The following SGSM1 variants were observed in gnomAD, a reference collection of about 807,000 sequenced individuals.
The protein encoded by SGSM1 is small G protein signaling modulator 1.
Under a neutral mutation model 133.8 loss-of-function variants are expected in SGSM1, and 73 were observed. The ratio of observed to expected loss-of-function variants is 0.55; its 90% CI spans 0.45 to 0.66. The LOEUF is 0.66. Ranked by LOEUF, SGSM1 falls within the 30% of genes least tolerant of loss-of-function variation. The probability of loss-of-function intolerance (pLI) is 0.00; values close to 1 mark genes in which losing one functional copy is unlikely to be tolerated. For missense variants in SGSM1, 1,213 were observed against 1,448.1 expected, an observed-to-expected ratio of 0.84 and a Z score of 2.64; for synonymous variants, 563 against 573.0, an observed-to-expected ratio of 0.98 and a Z score of 0.25.
chr22:24,821,445 G>A (rs1452808843), intron 2 of SGSM1, among the ~76,000 whole-genome samples: 2 of 152,232 alleles, frequency 1.3e-5, no homozygotes, highest in African/African-American at 4.8e-5. Flanking sequence ...TGCAGCATTG[G>A]AGGAAGGCAA....
At chr22:24,901,435 T>A (rs1933157476) in intron 19 of SGSM1, among the ~76,000 whole-genome samples, 1 of 152,196 alleles carries the variant, frequency 6.6e-6, no homozygotes, top group African/African-American at 2.4e-5. Context: ...CTCACCTTTC[T>A]GAGTTAGTTT....
intron 21 of SGSM1, among the ~76,000 whole-genome samples, chr22:24,908,013 C>A (rs556151276): frequency 7.0e-4 from 105 of 149,602 alleles, no homozygotes; most frequent in Non-Finnish European, 1.3e-3. Context: ...CTGTAAGGAT[C>A]AACATGTAGA....
chr22:24,856,125 C>T, intron 8 of SGSM1: 2 of 355,728 alleles, frequency 5.6e-6, no homozygotes, highest in Middle Eastern at 7.7e-4. Context: ...TTCTATCCAT[C>T]TGTTCGCTCT....
At chr22:24,911,025 G>A (rs545820482) in intron 21 of SGSM1, among the ~76,000 whole-genome samples, 8 of 151,976 alleles carry the variant, frequency 5.3e-5, no homozygotes, top group Non-Finnish European at 7.4e-5. Flanking sequence ...AGGTGGAGGT[G>A]GGCAGATTGT....
chr22:24,894,119 C>G lies in SGSM1; in HGVS notation c.1953+506C>G, dbSNP rs1401657266. On this transcript the variant is annotated intron_variant, in intron 17 of 24. Transcript: ENST00000400358. ...CAGTAAAAAGTAGGATCTCACCACC[C>G]TTGACTGAGGGTGGTGGCTCACGCC... 2.6e-5 allele frequency among the ~76,000 whole-genome samples: 4 copies of G among 152,304 alleles called. No individual in the cohort carries two copies. In the South Asian group the frequency reaches 8.3e-4, roughly 32 times the overall value.
chr22:24,924,282 C>G lies in SGSM1; in HGVS notation c.*8C>G. The G allele has an allele frequency of 6.2e-7, 1 of 1,612,944 alleles. No homozygotes were observed. The highest frequency in any genetic ancestry group is 1.3e-5 in the African/African-American group (1 of 75,026). On this transcript the variant is annotated 3_prime_UTR_variant, in exon 25 of 25. Transcript: ENST00000400358. ...CTGATTGAGAACAAGTGAGGGGCAC[C>G]TCACCCCGGCAGCCTCAGCCAAGCT...
At chr22:24,923,117 G>A (rs1322415131) in intron 24 of SGSM1, among the ~76,000 whole-genome samples, 1 of 151,818 alleles carries the variant, frequency 6.6e-6, no homozygotes, top group Non-Finnish European at 1.5e-5. Context: ...TCCACCCTGG[G>A]CAACAGAGTG....
rs142046345 is a variant in SGSM1 at position 24,885,601 on chromosome 22, AT to A, written c.1642-994del. Among the ~76,000 whole-genome samples the A allele has an allele frequency of 7.0e-3, 1,059 of 151,744 alleles. 16 individuals are homozygous for A. Among genetic ancestry groups the A allele is most frequent in the African/African-American group, 0.024 (1,008 of 41,428 alleles). On this transcript the variant is annotated intron_variant, in intron 15 of 24. Coordinates refer to ENST00000400358, the MANE Select transcript of SGSM1 (RefSeq NM_001098497.3). Reference sequence around the variant, plus strand: ...ACCACTGTGCCCAGCTAATTTTTGTATTTTTAGAGACGAGGTTTCACCATGT... The same window carrying A: ...ACCACTGTGCCCAGCTAATTTTTGTATTTTAGAGACGAGGTTTCACCATGT...
At chr22:24,883,838 C>T (rs762441131) in intron 14 of SGSM1, among the ~76,000 whole-genome samples, 3 of 152,108 alleles carry the variant, frequency 2.0e-5, no homozygotes, top group Non-Finnish European at 4.4e-5. Context: ...TGCCTCTGGT[C>T]CCAGGTACTC....
Position 24,852,892 on chromosome 22 carries a change from A to G in SGSM1, c.456-2104A>G, listed in dbSNP as rs556219789. On this transcript the variant is annotated intron_variant, in intron 5 of 24. Transcript: ENST00000400358. Reference sequence around the variant, plus strand: ...TATTATCTTCAGATTTGACACCAAAATGTACAGCCTTGATATTGAATAAGT... The same window carrying G: ...TATTATCTTCAGATTTGACACCAAAGTGTACAGCCTTGATATTGAATAAGT... Among the ~76,000 whole-genome samples the G allele has an allele frequency of 1.4e-4, 22 of 152,326 alleles. No individual in the cohort carries two copies. In the South Asian group the frequency reaches 3.5e-3, roughly 24 times the overall value.
At chr22:24,841,093 G>T (rs183696673) in intron 2 of SGSM1, among the ~76,000 whole-genome samples, 6 of 152,050 alleles carry the variant, frequency 3.9e-5, no homozygotes, top group South Asian at 2.1e-4. Context: ...CTTGTGATCC[G>T]CCCGCCTTGG....
chr22:24,920,172 G>A (rs1259853626), intron 24 of SGSM1, among the ~76,000 whole-genome samples, 179 bp downstream of exon 24: 2 of 152,142 alleles, frequency 1.3e-5, no homozygotes, highest in African/African-American at 4.8e-5. Context: ...AATGCTGAGG[G>A]TGCATTTTTC....
intron 2 of SGSM1, among the ~76,000 whole-genome samples, chr22:24,819,554 C>T (rs1228835135): frequency 1.3e-5 from 2 of 152,194 alleles, no homozygotes; most frequent in African/African-American, 4.8e-5. Flanking sequence ...GGAGATTGAC[C>T]TGTTGATGTT....
Position 24,815,618 on chromosome 22 carries a change from G to A in SGSM1, c.63+9134G>A, listed in dbSNP as rs370592174. The stretch of plus-strand genomic sequence containing the variant: ...AAATTAGCCGGGCGTGGTGGCGGGC[G>A]CCTGTAGTCCCAGCTACTCAGGAGG... On this transcript the variant is annotated intron_variant, in intron 2 of 24. Coordinates refer to ENST00000400358, the MANE Select transcript of SGSM1 (RefSeq NM_001098497.3). Among the ~76,000 whole-genome samples the A allele has an allele frequency of 1.2e-3, 184 of 152,260 alleles. 6 individuals carry two copies. The South Asian group carries it at 0.029, about 24-fold the overall frequency.
At chr22:24,851,292 G>A (rs887365212) in intron 5 of SGSM1, among the ~76,000 whole-genome samples, 2 of 151,944 alleles carry the variant, frequency 1.3e-5, no homozygotes, top group Non-Finnish European at 2.9e-5. Context: ...TAACCTAGAC[G>A]TCAGGGATAT....
intron 2 of SGSM1, among the ~76,000 whole-genome samples, chr22:24,826,419 T>C (rs1928804382): frequency 6.6e-6 from 1 of 152,176 alleles, no homozygotes; most frequent in African/African-American, 2.4e-5. Context: ...TAAATACGTA[T>C]CAATGGGATC....
intron 2 of SGSM1, among the ~76,000 whole-genome samples, chr22:24,833,468 G>A (rs1929239442): frequency 6.6e-6 from 1 of 151,298 alleles, no homozygotes; most frequent in South Asian, 2.1e-4. Context: ...GACCATCCTG[G>A]CCAACATGGT....
intron 22 of SGSM1, among the ~76,000 whole-genome samples, chr22:24,914,294 A>G (rs1933739938): frequency 7.2e-6 from 1 of 138,992 alleles, no homozygotes. Context: ...CTCCATCTCA[A>G]AAAAAAAAAA....
chr22:24,895,393 A>G (rs1044774002), intron 18 of SGSM1, 102 bp downstream of exon 18: 2 of 1,230,156 alleles, frequency 1.6e-6, no homozygotes, highest in Non-Finnish European at 2.3e-6. Context: ...TTTTTGCTTT[A>G]TTTGTTTTAG....
Sources: allele counts gnomAD v4.1 joint callset (sites outside exome capture counted in the v4.1 genomes callset), GRCh38; gene constraint gnomAD v4.1.1; transcripts MANE v1.5; gene names NCBI Gene and HGNC (gene_info 2026-07-23, HGNC 2026-07-21).